BMP2K: variants seen among roughly 807,000 people sequenced by gnomAD.
The protein encoded by BMP2K is BMP2 inducible kinase.
BMP2K carries 74 observed loss-of-function variants against 116.0 expected under a neutral mutation model. That is an observed-to-expected ratio of 0.64 (90% CI 0.53 to 0.77). The LOEUF (loss-of-function observed/expected upper bound fraction) is 0.77. Ranked by LOEUF, BMP2K falls within the 30% of genes least tolerant of loss-of-function variation. BMP2K has a pLI of 0.00. For synonymous variants in BMP2K, 486 were observed against 502.5 expected, an observed-to-expected ratio of 0.97 and a Z score of 0.44; for missense variants, 1,365 against 1,403.6, an observed-to-expected ratio of 0.97 and a Z score of 0.44.
chr4:78,812,004 G>A lies in BMP2K; in HGVS notation c.179-14033G>A, dbSNP rs143552989. 9.9e-3 allele frequency among the ~76,000 whole-genome samples: 1,509 copies of A among 151,760 alleles called. 10 individuals are homozygous for A. Among genetic ancestry groups the A allele is most frequent in the Non-Finnish European group, 0.013 (851 of 67,950 alleles). ...TTTGTTTTTTTAAAGACAGAGTCTC[G>A]CTCTTATCACCCAGGCTAGAGTGGA... On this transcript the variant is annotated intron_variant, in intron 1 of 15. Transcript: ENST00000502613.
chr4:78,815,162 A>G (rs1345867344), intron 1 of BMP2K, among the ~76,000 whole-genome samples: 1 of 152,188 alleles, frequency 6.6e-6, no homozygotes, highest in Non-Finnish European at 1.5e-5. Context: ...CACTATGGTC[A>G]GTCGAAACTA....
rs761805548 is a variant in BMP2K, at chr4:78,845,002, T to C, written c.621T>C (p.Leu207=). 1.3e-6 allele frequency: 2 copies of C among 1,592,146 alleles called. No homozygotes were observed. The highest frequency in any genetic ancestry group is 1.1e-5 in the South Asian group (1 of 90,090). The part of the protein sequence containing the change: ...CDFGSATNKF[L]NPQKDGVNVV... ...TTGGCAGTGCCACTAATAAATTTCT[T>C]AATCCTCAAAAAGATGGAGTTAATG... Residue 207 remains leucine (L), a synonymous_variant, in exon 5 of 16, where the codon CTT becomes CTC. Transcript: ENST00000502613.
In BMP2K at chr4:78,865,529, T is replaced by C. The variant is rs201856840; in HGVS notation, c.1068-28T>C. 231 of 1,600,578 alleles carry C rather than the reference T, an allele frequency of 1.4e-4. No individual in the cohort carries two copies. The African/African-American group carries it at 2.8e-3, about 19-fold the overall frequency. On this transcript the variant is annotated intron_variant, in intron 9 of 15. Transcript: ENST00000502613. ...GTAAATTAGAAATAATCCCAGTATTTAGAATGAAATATATTCTTCTGTTGT... is the reference window on the plus strand; with the variant it reads ...GTAAATTAGAAATAATCCCAGTATTCAGAATGAAATATATTCTTCTGTTGT...
Position 78,911,127 on chromosome 4 carries a change from T to C in BMP2K, c.2580T>C (p.Ala860=), listed in dbSNP as rs756729601. The C allele has an allele frequency of 1.9e-6, 3 of 1,613,892 alleles. No homozygotes were observed. Among genetic ancestry groups the C allele is most frequent in the African/African-American group, 2.7e-5 (2 of 74,938 alleles). The change falls in exon 16 of 16, where the codon GCT becomes GCC. Residue 860 remains alanine, a synonymous_variant. Coordinates refer to ENST00000502613, the MANE Select transcript of BMP2K (RefSeq NM_198892.2). ...AACAGGAGTTTGATGTATTTGGCGC[T>C]GTCCCCTTCTTTGCAGTGCGTGCTC... ...TPKQEFDVFG[A]VPFFAVRAQQ...
intron 15 of BMP2K, among the ~76,000 whole-genome samples, chr4:78,889,834 G>C (rs980378279): frequency 1.3e-5 from 2 of 152,148 alleles, no homozygotes; most frequent in Admixed American, 1.3e-4. Context: ...TTAATTTTTA[G>C]TAAACCATAT....
chr4:78,900,697 T>C lies in BMP2K; in HGVS notation c.2063-9913T>C, dbSNP rs573735882. ...TTTCCAGACTTTTAGAAAGATTAGC[T>C]GAATATAACATTTAGATAGACTATG... is the stretch of plus-strand genomic sequence containing the variant. On this transcript the variant is annotated intron_variant, in intron 15 of 15. Transcript: ENST00000502613. 3.3e-5 allele frequency among the ~76,000 whole-genome samples: 5 copies of C among 152,342 alleles called. No homozygotes were observed. In the South Asian group the frequency reaches 1.0e-3, roughly 32 times the overall value.
intron 1 of BMP2K, among the ~76,000 whole-genome samples, chr4:78,802,802 A>AC (rs1728631055): frequency 6.6e-6 from 1 of 150,822 alleles, no homozygotes; most frequent in Non-Finnish European, 1.5e-5. Context: ...TTATCTCTGC[A>AC]CCATTATTAT....
At chr4:78,872,890 T>TA in intron 13 of BMP2K, 92 bp downstream of exon 13, 2 of 1,329,556 alleles carry the variant, frequency 1.5e-6, no homozygotes, top group Non-Finnish European at 2.1e-6. Flanking sequence ...TAAATTAGTT[T>TA]AGAATTTATC....
In BMP2K at chr4:78,870,836, C is replaced by A. The variant is rs368848734; in HGVS notation, c.1285C>A (p.Gln429Lys). 24 of 1,613,974 alleles carry A rather than the reference C, an allele frequency of 1.5e-5. No homozygotes were observed. Among genetic ancestry groups the A allele is most frequent in the Admixed American group, 8.3e-5 (5 of 59,990 alleles). ...PEILLGQGPP[Q>K]QPPQQHRVLQ... ...AATTTTATTGGGTCAGGGACCTCCTCAGCAGCCGCCACAGCAGCATAGAGT... is the reference window on the plus strand; with the variant it reads ...AATTTTATTGGGTCAGGGACCTCCTAAGCAGCCGCCACAGCAGCATAGAGT... Residue 429 changes from glutamine (Q) to lysine (K), a missense_variant, in exon 11 of 16, where the codon CAG becomes AAG. Gln to Lys is a moderately conservative substitution (Grantham distance 53). Around this residue, in one of 3 missense-constraint regions of BMP2K, gnomAD observed 762 missense variants for 756.7 expected, o/e 1.01. Coordinates refer to ENST00000502613, the MANE Select transcript of BMP2K (RefSeq NM_198892.2).
chr4:78,822,929 A>ATTGTCCTAGGAGACTAC (rs1729692034), intron 1 of BMP2K, among the ~76,000 whole-genome samples: 1 of 152,144 alleles, frequency 6.6e-6, no homozygotes, highest in Admixed American at 6.5e-5. Flanking sequence ...TTGGACTACT[A>ATTGTCCTAGGAGACTAC]TAGTGTCCTA....
At chr4:78,882,946 A>G (rs746699314) in intron 14 of BMP2K, among the ~76,000 whole-genome samples, 1 of 152,106 alleles carries the variant, frequency 6.6e-6, no homozygotes, top group African/African-American at 2.4e-5. Flanking sequence ...GAGCTTTTCA[A>G]ATATATTAGA....
intron 1 of BMP2K, among the ~76,000 whole-genome samples, chr4:78,822,503 TTTTATTTCATCAGATCAATATCCCAG>T (rs1729669842): frequency 6.6e-6 from 1 of 152,184 alleles, no homozygotes; most frequent in South Asian, 2.1e-4. Context: ...TTATTTCCCA[TTTTATTTCATCAGATCAATATCCCAG>T]TTTATTTCAT....
intron 2 of BMP2K, among the ~76,000 whole-genome samples, chr4:78,828,369 G>A (rs1729981321): frequency 6.6e-6 from 1 of 152,166 alleles, no homozygotes; most frequent in African/African-American, 2.4e-5. Context: ...GCCTCCGTGG[G>A]CACACCTCCC....
At chr4:78,898,496 ATAGG>A (rs1236960348) in intron 15 of BMP2K, among the ~76,000 whole-genome samples, 1 of 151,526 alleles carries the variant, frequency 6.6e-6, no homozygotes, top group East Asian at 2.0e-4. Context: ...AGTGGAGGTA[ATAGG>A]TAGAAATGGA....
chr4:78,890,787 C>T (rs1733392129), intron 15 of BMP2K, among the ~76,000 whole-genome samples: 1 of 152,114 alleles, frequency 6.6e-6, no homozygotes, highest in African/African-American at 2.4e-5. Context: ...AGTATTTTTC[C>T]CACCAATCTT....
intron 1 of BMP2K, among the ~76,000 whole-genome samples, chr4:78,779,914 G>GT (rs933157597): frequency 3.3e-5 from 5 of 152,048 alleles, no homozygotes; most frequent in African/African-American, 7.2e-5. Context: ...GGCAGTTCAT[G>GT]TTTTTTTTCT....
chr4:78,864,413 G>T (rs1054814406), intron 9 of BMP2K, among the ~76,000 whole-genome samples: 1 of 150,958 alleles, frequency 6.6e-6, no homozygotes, highest in Admixed American at 6.6e-5. Flanking sequence ...ATATATCGGT[G>T]TATATATATA....
Position 78,809,156 on chromosome 4 carries a change from A to G in BMP2K, c.179-16881A>G, listed in dbSNP as rs548185456. Among the ~76,000 whole-genome samples the G allele has an allele frequency of 2.0e-5, 3 of 152,208 alleles. No homozygotes were observed. In the South Asian group the frequency reaches 6.2e-4, roughly 32 times the overall value. ...TGTTGTTAGTGTATATATGTTTGTA[A>G]TATATCTTTCTGATGGATTGGCTCT... On this transcript the variant is annotated intron_variant, in intron 1 of 15. Coordinates refer to ENST00000502613, the MANE Select transcript of BMP2K (RefSeq NM_198892.2).
intron 4 of BMP2K, among the ~76,000 whole-genome samples, chr4:78,844,501 G>T (rs1427019162): frequency 6.6e-6 from 1 of 151,648 alleles, no homozygotes; most frequent in African/African-American, 2.4e-5. Flanking sequence ...TGTCAGAAAA[G>T]GAGAAAATTG....
Sources: gnomAD v4.1 joint callset for allele counts (sites outside exome capture counted in the v4.1 genomes callset) on GRCh38, gnomAD v4.1.1 for gene constraint, gnomAD v4.1.1 regional missense constraint, MANE v1.5 for transcripts, NCBI Gene and HGNC (gene_info 2026-07-23, HGNC 2026-07-21) for gene names.